SCGB2B2: variants seen among roughly 807,000 people sequenced by gnomAD.
The protein encoded by SCGB2B2 is secretoglobin-like protein.
SCGB2B2 carries 11 observed loss-of-function variants against 7.6 expected under a neutral mutation model. The observed-to-expected ratio is 1.45, with a 90% CI of 0.91 to 2.40. The LOEUF is 2.40. Among genes scored for constraint, SCGB2B2 ranks in the 30% most tolerant of loss-of-function variants. The pLI, the probability that SCGB2B2 is intolerant of heterozygous loss-of-function variation, is 0.00. For missense variants in SCGB2B2, 104 were observed against 115.4 expected (o/e 0.90, Z 0.45); for synonymous variants, 50 against 48.6 (o/e 1.03, Z -0.12).
intron 1 of SCGB2B2, among the ~76,000 whole-genome samples, chr19:34,604,637 T>C (rs776231201): frequency 2.0e-5 from 3 of 152,244 alleles, no homozygotes; most frequent in Non-Finnish European, 4.4e-5. Context: ...TGTAATCTTT[T>C]ATTGATTTTT....
intron 1 of SCGB2B2, among the ~76,000 whole-genome samples, chr19:34,619,771 C>T (rs2066189727): frequency 1.3e-5 from 2 of 152,228 alleles, no homozygotes; most frequent in Middle Eastern, 3.4e-3. Flanking sequence ...ATTGCTTTTC[C>T]TGAAAGGAAT....
chr19:34,597,944 G>C (rs1461858599), intron 1 of SCGB2B2, among the ~76,000 whole-genome samples: 1 of 152,102 alleles, frequency 6.6e-6, no homozygotes, highest in Non-Finnish European at 1.5e-5. Flanking sequence ...TTAGGATAGA[G>C]AGTCCTGGAG....
intron 1 of SCGB2B2, among the ~76,000 whole-genome samples, chr19:34,673,487 C>A (rs1279760964): frequency 1.3e-5 from 2 of 152,148 alleles, no homozygotes; most frequent in African/African-American, 4.8e-5. Flanking sequence ...GTGAAAGATG[C>A]AAGTTTATTA....
Position 34,593,093 on chromosome 19 carries a change from A to C in SCGB2B2, c.*462T>G, listed in dbSNP as rs1190793821. On this transcript the variant is annotated 3_prime_UTR_variant, in exon 4 of 4. Coordinates refer to ENST00000601241, the MANE Select transcript of SCGB2B2 (RefSeq NM_001025591.4). Reference sequence around the variant, plus strand: ...ACCCTAGCACGTTGGAGGTTGAGGTAGGTGGATCATTTGCGGTCAGGAGTT... The same window carrying C: ...ACCCTAGCACGTTGGAGGTTGAGGTCGGTGGATCATTTGCGGTCAGGAGTT... Among the ~76,000 whole-genome samples, 1 of 152,174 alleles carries C rather than the reference A, an allele frequency of 6.6e-6. No individual in the cohort carries two copies. The highest frequency in any genetic ancestry group is 1.5e-5 in the Non-Finnish European group (1 of 68,030).
intron 1 of SCGB2B2, among the ~76,000 whole-genome samples, chr19:34,663,001 A>G (rs1296513991): frequency 6.6e-6 from 1 of 152,200 alleles, no homozygotes; most frequent in Non-Finnish European, 1.5e-5. Context: ...TTCTACTCAC[A>G]TTTCACTAAA....
intron 1 of SCGB2B2, among the ~76,000 whole-genome samples, chr19:34,638,470 T>G (rs1600059450): frequency 7.1e-6 from 1 of 139,976 alleles, no homozygotes; most frequent in African/African-American, 2.7e-5. Context: ...GGAACACCCA[T>G]CCCCCCCCAA....
intron 1 of SCGB2B2, among the ~76,000 whole-genome samples, chr19:34,604,948 AATT>A (rs551798096): frequency 8.4e-4 from 128 of 152,338 alleles, no homozygotes; most frequent in Admixed American, 2.3e-3. Flanking sequence ...AAAACCAGAA[AATT>A]ACCACCACAA....
At chr19:34,664,247 G>C (rs536891581) in intron 1 of SCGB2B2, among the ~76,000 whole-genome samples, 11 of 152,226 alleles carry the variant, frequency 7.2e-5, no homozygotes, top group Non-Finnish European at 1.2e-4. Flanking sequence ...GTCCCTGGCA[G>C]AGAACGACAG....
chr19:34,624,058 C>A (rs957007020), intron 1 of SCGB2B2, among the ~76,000 whole-genome samples: 1 of 152,092 alleles, frequency 6.6e-6, no homozygotes, highest in African/African-American at 2.4e-5. Flanking sequence ...AATATGGCCC[C>A]CCAACACAGA....
intron 1 of SCGB2B2, among the ~76,000 whole-genome samples, chr19:34,624,657 A>T (rs2066320986): frequency 6.6e-6 from 1 of 152,246 alleles, no homozygotes; most frequent in Admixed American, 6.5e-5. Context: ...GACTGGAGTT[A>T]GTCCAGGAGT....
rs533281878 is a variant in SCGB2B2 at position 34,627,805 on chromosome 19, C to A, written c.-2031-31211G>T. Among the ~76,000 whole-genome samples, 68 of 152,334 alleles carry A rather than the reference C, an allele frequency of 4.5e-4. 1 individual carries two copies. Among genetic ancestry groups the A allele is most frequent in the Non-Finnish European group, 8.2e-4 (56 of 68,032 alleles). ...ATCTACAGAACTCTCCACCCCAAAT[C>A]AACAGAATATACATTCTTCTCAGCA... On this transcript the variant is annotated intron_variant, in intron 1 of 3. Coordinates refer to ENST00000601241, the MANE Select transcript of SCGB2B2 (RefSeq NM_001025591.4).
intron 1 of SCGB2B2, among the ~76,000 whole-genome samples, chr19:34,600,752 C>T (rs940758140): frequency 1.3e-5 from 2 of 151,840 alleles, no homozygotes; most frequent in East Asian, 1.9e-4. Flanking sequence ...GATTTGTAGG[C>T]GTTCTTTCTA....
Position 34,591,765 on chromosome 19 carries a change from A to C in SCGB2B2, c.*1790T>G, listed in dbSNP as rs1483462965. Among the ~76,000 whole-genome samples the C allele has an allele frequency of 1.1e-4, 16 of 152,180 alleles. No individual in the cohort carries two copies. The highest frequency in any genetic ancestry group is 2.2e-4 in the Non-Finnish European group (15 of 68,022). ...GGCTGCCTCAGGTTCTTCAGGACTCAGGGGAGATGTTGTCTCCTCAGATGC... is the reference window on the plus strand; with the variant it reads ...GGCTGCCTCAGGTTCTTCAGGACTCCGGGGAGATGTTGTCTCCTCAGATGC... On this transcript the variant is annotated 3_prime_UTR_variant, in exon 4 of 4. Coordinates refer to ENST00000601241, the MANE Select transcript of SCGB2B2 (RefSeq NM_001025591.4).
intron 1 of SCGB2B2, among the ~76,000 whole-genome samples, chr19:34,667,188 C>A (rs558034362): frequency 4.6e-5 from 7 of 152,272 alleles, no homozygotes; most frequent in Admixed American, 3.3e-4. Flanking sequence ...AATGTCCCTG[C>A]AGACGGGCAG....
intron 1 of SCGB2B2, among the ~76,000 whole-genome samples, chr19:34,637,537 G>A (rs113638375): frequency 0.018 from 2,704 of 152,166 alleles, 34 homozygotes; most frequent in South Asian, 0.041. Context: ...CGGGTCCATC[G>A]TGAGTCCCTC....
At chr19:34,627,274 T>C (rs2066406115) in intron 1 of SCGB2B2, among the ~76,000 whole-genome samples, 1 of 152,212 alleles carries the variant, frequency 6.6e-6, no homozygotes, top group East Asian at 1.9e-4. Flanking sequence ...ACCTTAAATG[T>C]AAATGGGCTA....
At chr19:34,674,129 G>A (rs773432480) in intron 1 of SCGB2B2, among the ~76,000 whole-genome samples, 9 of 152,122 alleles carry the variant, frequency 5.9e-5, no homozygotes, top group Admixed American at 1.3e-4. Context: ...GACTCATAAT[G>A]GGAAACCACC....
rs576553227 is a variant in SCGB2B2 at position 34,644,569 on chromosome 19, C to T, written c.-2032+31061G>A. Among the ~76,000 whole-genome samples, 3 of 152,198 alleles carry T rather than the reference C, an allele frequency of 2.0e-5. No homozygotes were observed. In the East Asian group the frequency reaches 5.8e-4, roughly 29 times the overall value. Reference sequence around the variant, plus strand: ...CAGGCTCTGCCCTGCCCCCTTGTAACCTCTCTTCTACTTTTGTTTTATAGA... The same window carrying T: ...CAGGCTCTGCCCTGCCCCCTTGTAATCTCTCTTCTACTTTTGTTTTATAGA... On this transcript the variant is annotated intron_variant, in intron 1 of 3. Transcript: ENST00000601241.
rs560794668 is a variant in SCGB2B2, at chr19:34,638,478, C to A, written c.-2032+37152G>T. Among the ~76,000 whole-genome samples the A allele has an allele frequency of 2.6e-3, 383 of 148,758 alleles. 2 individuals carry two copies. The highest frequency in any genetic ancestry group is 7.9e-3 in the South Asian group (37 of 4,688). On this transcript the variant is annotated intron_variant, in intron 1 of 3. Coordinates refer to ENST00000601241, the MANE Select transcript of SCGB2B2 (RefSeq NM_001025591.4). ...AAAAAAAGGAACACCCATCCCCCCC[C>A]AAAAAAACAAACAATGACAACAACA...
Sources: gnomAD v4.1 joint callset for allele counts (sites outside exome capture counted in the v4.1 genomes callset) on GRCh38, gnomAD v4.1.1 for gene constraint, MANE v1.5 for transcripts, NCBI Gene and HGNC (gene_info 2026-07-23, HGNC 2026-07-21) for gene names.